Variants in NUP133 observed in about 807,000 individuals in gnomAD.
The protein encoded by NUP133 is nuclear pore complex protein Nup133.
NUP133 carries 66 observed loss-of-function variants against 146.2 expected under a neutral mutation model. That is an observed-to-expected ratio of 0.45 (90% CI 0.37 to 0.55). The LOEUF (loss-of-function observed/expected upper bound fraction) is 0.55, where lower values mean the gene tolerates loss of function less well. Ranked by LOEUF, NUP133 falls within the 20% of genes least tolerant of loss-of-function variation. NUP133 has a pLI of 0.00. For missense variants in NUP133, 1,277 were observed against 1,374.8 expected (o/e 0.93, Z 1.12); for synonymous variants, 521 against 498.8 (o/e 1.04, Z -0.59).
chr1:229,500,050 T>A (rs180871374), intron 4 of NUP133, among the ~76,000 whole-genome samples: 1 of 152,292 alleles, frequency 6.6e-6, no homozygotes, highest in East Asian at 1.9e-4. Context: ...TCTGTTCAAG[T>A]CCTAGCCCCT....
chr1:229,479,274 G>C (rs933427557), intron 12 of NUP133, among the ~76,000 whole-genome samples: 2 of 152,176 alleles, frequency 1.3e-5, no homozygotes, highest in Non-Finnish European at 2.9e-5. Context: ...ATCCGCATTT[G>C]GTTGAAAACA....
chr1:229,484,397 G>C (rs559147926), intron 11 of NUP133, among the ~76,000 whole-genome samples: 1 of 152,128 alleles, frequency 6.6e-6, no homozygotes, highest in Admixed American at 6.5e-5. Context: ...TATGTTTCAA[G>C]CAAGTTTACG....
intron 24 of NUP133, among the ~76,000 whole-genome samples, chr1:229,448,001 G>C (rs1660351527): frequency 6.6e-6 from 1 of 152,166 alleles, no homozygotes; most frequent in Non-Finnish European, 1.5e-5. Flanking sequence ...CCAAGAGAGT[G>C]GTCTCTAGTC....
intron 13 of NUP133, among the ~76,000 whole-genome samples, 157 bp downstream of exon 13, chr1:229,477,439 CA>C (rs545949314): frequency 0.014 from 1,050 of 73,260 alleles, 7 homozygotes; most frequent in African/African-American, 0.041. Flanking sequence ...TGCTCTGTCT[CA>C]AAAAAAAAAA....
intron 2 of NUP133, among the ~76,000 whole-genome samples, chr1:229,505,773 A>G (rs1312248232): frequency 1.3e-5 from 2 of 152,058 alleles, no homozygotes; most frequent in Non-Finnish European, 2.9e-5. Flanking sequence ...CTATAATCCC[A>G]GCTACTTGGG....
chr1:229,454,251 C>A (rs6664389), intron 21 of NUP133, among the ~76,000 whole-genome samples: 2 of 152,132 alleles, frequency 1.3e-5, no homozygotes, highest in African/African-American at 4.8e-5. Context: ...GACCTGACTC[C>A]GCCCCAGGGA....
chr1:229,495,479 C>T lies in NUP133; in HGVS notation c.1046+16G>A. 6.3e-7 allele frequency: 1 copy of T among 1,586,562 alleles called. No individual in the cohort carries two copies. The highest frequency in any genetic ancestry group is 1.1e-5 in the South Asian group (1 of 90,160). On this transcript the variant is annotated intron_variant, in intron 8 of 25. Coordinates refer to ENST00000261396, the MANE Select transcript of NUP133 (RefSeq NM_018230.3). Reference sequence around the variant, plus strand: ...AAACTCTTCTCTATGTTCTTTACGACAAATTAATTGCTTACCAGTTTTGCT... The same window carrying T: ...AAACTCTTCTCTATGTTCTTTACGATAAATTAATTGCTTACCAGTTTTGCT...
At chr1:229,447,984 G>A (rs535250448) in intron 24 of NUP133, among the ~76,000 whole-genome samples, 2 of 152,212 alleles carry the variant, frequency 1.3e-5, no homozygotes, top group South Asian at 2.1e-4. Context: ...GCCAAAACCC[G>A]CCAAAACCAA....
At chr1:229,449,353 G>A (rs73114338) in intron 23 of NUP133, among the ~76,000 whole-genome samples, 163 bp from the exon 24 acceptor site, 2,535 of 151,666 alleles carry the variant, frequency 0.017, 72 homozygotes, top group African/African-American at 0.057. Flanking sequence ...GCAACCTTGA[G>A]AGGGGTAAGA....
At chr1:229,470,285 C>T (rs529632270) in intron 15 of NUP133, among the ~76,000 whole-genome samples, 2 of 129,906 alleles carry the variant, frequency 1.5e-5, no homozygotes, top group Admixed American at 1.6e-4. Context: ...GAGACTCCAT[C>T]TCAAAAAAAA....
At chr1:229,505,556 A>G (rs1294101146) in intron 2 of NUP133, among the ~76,000 whole-genome samples, 5 of 139,864 alleles carry the variant, frequency 3.6e-5, no homozygotes. Context: ...ATACATCTCA[A>G]TTACAGTTAA....
chr1:229,508,215 C>G lies in NUP133; in HGVS notation c.35G>C (p.Gly12Ala), dbSNP rs755873839. Reference sequence around the variant, plus strand: ...CAGCGGGCCCCTTCGGGACCCGGTACCCGGGGTCCGCGGAGAAGGGGCGGC... The same window carrying G: ...CAGCGGGCCCCTTCGGGACCCGGTAGCCGGGGTCCGCGGAGAAGGGGCGGC... ...FPAAPSPRTP[G>A]TGSRRGPLAG... Residue 12 changes from glycine (G) to alanine (A), a missense_variant, in exon 1 of 26, where the codon GGT becomes GCT. This residue lies in a region of NUP133 where 319 missense variants were observed against 306.9 expected (regional missense o/e 1.04). Coordinates refer to ENST00000261396, the MANE Select transcript of NUP133 (RefSeq NM_018230.3). The G allele has an allele frequency of 6.4e-7, 1 of 1,551,054 alleles. No individual in the cohort carries two copies.
intron 21 of NUP133, among the ~76,000 whole-genome samples, chr1:229,457,535 C>T (rs370922846): frequency 2.6e-5 from 4 of 152,046 alleles, no homozygotes; most frequent in Non-Finnish European, 4.4e-5. Flanking sequence ...CCTCATACAA[C>T]GTAAATGCTA....
chr1:229,448,099 T>C (rs544596408), intron 24 of NUP133, among the ~76,000 whole-genome samples: 19 of 152,328 alleles, frequency 1.2e-4, no homozygotes, highest in African/African-American at 4.3e-4. Flanking sequence ...ACAAAGACTG[T>C]GGCAACCAAC....
At chr1:229,501,020 T>G (rs1661786927) in intron 3 of NUP133, among the ~76,000 whole-genome samples, 157 bp from the exon 4 acceptor site, 1 of 152,234 alleles carries the variant, frequency 6.6e-6, no homozygotes, top group Admixed American at 6.5e-5. Context: ...TTAATCAGGC[T>G]TTCAGTAATT....
chr1:229,491,085 A>G (rs6657735), intron 8 of NUP133, among the ~76,000 whole-genome samples: 28,461 of 152,186 alleles, frequency 0.19, 2,872 homozygotes, highest in Middle Eastern at 0.25. Context: ...AGGGATTGGC[A>G]AAGTACAGCC....
intron 14 of NUP133, among the ~76,000 whole-genome samples, chr1:229,474,419 A>C (rs976506724): frequency 1.3e-5 from 2 of 152,230 alleles, no homozygotes; most frequent in African/African-American, 4.8e-5. Flanking sequence ...AACAATAACA[A>C]AAAAAGAGAG....
At chr1:229,495,772 C>T in intron 7 of NUP133, 120 bp downstream of exon 7, 1 of 975,090 alleles carries the variant, frequency 1.0e-6, no homozygotes, top group Non-Finnish European at 1.5e-6. Context: ...AATCTGATAA[C>T]CATACACTAT....
intron 8 of NUP133, among the ~76,000 whole-genome samples, chr1:229,490,917 C>T (rs1661497242): frequency 6.6e-6 from 1 of 150,434 alleles, no homozygotes; most frequent in South Asian, 2.1e-4. Flanking sequence ...CACCACTGCA[C>T]TCCAGCCTGG....
Sources: gnomAD v4.1 joint callset for allele counts (sites outside exome capture counted in the v4.1 genomes callset) on GRCh38, gnomAD v4.1.1 for gene constraint, gnomAD v4.1.1 regional missense constraint, MANE v1.5 for transcripts, NCBI Gene and HGNC (gene_info 2026-07-23, HGNC 2026-07-21) for gene names.